Variants in ATP8A1 observed in about 807,000 individuals in gnomAD.
ATP8A1 encodes the protein ATPase phospholipid transporting 8A1.
ATP8A1 carries 90 observed loss-of-function variants against 177.7 expected under a neutral mutation model. The ratio of observed to expected loss-of-function variants is 0.51; its 90% confidence interval spans 0.43 to 0.60. ATP8A1 has a LOEUF of 0.60. Among genes scored for constraint, ATP8A1 ranks in the 20% least tolerant of loss-of-function variants. The probability of loss-of-function intolerance (pLI) is 0.00; values close to 1 mark genes in which losing one functional copy is unlikely to be tolerated. For missense variants in ATP8A1, 1,072 were observed against 1,392.8 expected, an observed-to-expected ratio of 0.77 and a Z score of 3.67; for synonymous variants, 493 against 485.9, an observed-to-expected ratio of 1.01 and a Z score of -0.19.
At chr4:42,615,847 C>G (rs957710179) in intron 5 of ATP8A1, among the ~76,000 whole-genome samples, 186 bp downstream of exon 5, 6 of 152,168 alleles carry the variant, frequency 3.9e-5, no homozygotes, top group African/African-American at 1.4e-4. Context: ...AGTATTATCA[C>G]TATAAATCAC....
chr4:42,524,982 A>G (rs995181656), intron 20 of ATP8A1, 135 bp from the exon 21 acceptor site: 15 of 518,862 alleles, frequency 2.9e-5, no homozygotes, highest in Non-Finnish European at 5.1e-5. Context: ...AAAGAACAAG[A>G]TATTTTTGTC....
At position 42,581,614 on chromosome 4, in the gene ATP8A1, A is replaced by G. The variant is rs1304491904; in HGVS notation, c.834+7T>C. ...GGTCCAAAAGGTTTCATAGAGAAAA[A>G]TTTCACCTGCATCAGCTTGGTGTCA... On this transcript the variant is annotated splice_region_variant and intron_variant, in intron 10 of 36. Coordinates refer to ENST00000381668, the MANE Select transcript of ATP8A1 (RefSeq NM_006095.2). 8 of 1,609,178 alleles carry G rather than the reference A, an allele frequency of 5.0e-6. No homozygotes were observed. Among genetic ancestry groups the G allele is most frequent in the African/African-American group, 2.7e-5 (2 of 74,768 alleles).
At chr4:42,481,974 A>G (rs1200450676) in intron 25 of ATP8A1, among the ~76,000 whole-genome samples, 1 of 152,170 alleles carries the variant, frequency 6.6e-6, no homozygotes, top group African/African-American at 2.4e-5. Flanking sequence ...AAATACTCAC[A>G]ATGTTAAAAA....
rs560258482 is a variant in ATP8A1 at position 42,574,474 on chromosome 4, T to C, written c.1295+145A>G. 79 of 653,750 alleles carry C rather than the reference T, an allele frequency of 1.2e-4. No individual in the cohort carries two copies. The African/African-American group carries it at 1.3e-3, about 11-fold the overall frequency. 40.5% of individuals were successfully genotyped at this position (653,750 alleles called of 1,614,324 possible). On this transcript the variant is annotated intron_variant, in intron 14 of 36. Transcript: ENST00000381668. Reference sequence around the variant, plus strand: ...AAACTAGAAACGCGAAATATACATGTGTCCTAAAATTATAACAGCTGCTTT... The same window carrying C: ...AAACTAGAAACGCGAAATATACATGCGTCCTAAAATTATAACAGCTGCTTT...
intron 3 of ATP8A1, 74 bp downstream of exon 3, chr4:42,625,540 C>A (rs1422154217): frequency 4.0e-6 from 4 of 989,606 alleles, no homozygotes; most frequent in East Asian, 5.6e-5. Context: ...TTACATAAAC[C>A]TCAGGGGATT....
At chr4:42,604,683 C>A (rs1022598747) in intron 5 of ATP8A1, among the ~76,000 whole-genome samples, 2 of 152,060 alleles carry the variant, frequency 1.3e-5, no homozygotes. Context: ...AGGTGTATAC[C>A]CAAGCAAACG....
rs954286402 is a variant in ATP8A1, at chr4:42,526,471, C to T, written c.1723-1624G>A. On this transcript the variant is annotated intron_variant, in intron 20 of 36. Transcript: ENST00000381668. ...GTGGGCTGGGGAAGGCAGACCCACC[C>T]TTAATCTGGGTGGGCACAATCTAGT... 2.0e-5 allele frequency among the ~76,000 whole-genome samples: 3 copies of T among 152,210 alleles called. No homozygotes were observed. The East Asian group carries it at 5.8e-4, about 29-fold the overall frequency.
intron 27 of ATP8A1, among the ~76,000 whole-genome samples, chr4:42,457,275 CAA>C (rs1718589238): frequency 6.6e-6 from 1 of 152,146 alleles, no homozygotes; most frequent in African/African-American, 2.4e-5. Flanking sequence ...CACAAATTGA[CAA>C]AACAGACATT....
intron 25 of ATP8A1, among the ~76,000 whole-genome samples, chr4:42,484,022 G>A (rs1353245226): frequency 6.6e-6 from 1 of 152,158 alleles, no homozygotes; most frequent in Non-Finnish European, 1.5e-5. Flanking sequence ...CATAACACTT[G>A]TGCTTTTGAG....
chr4:42,548,023 G>C (rs562714546), intron 19 of ATP8A1, among the ~76,000 whole-genome samples: 1 of 152,182 alleles, frequency 6.6e-6, no homozygotes, highest in Non-Finnish European at 1.5e-5. Flanking sequence ...AAGAATGCAG[G>C]TAAGCAGGTT....
At chr4:42,511,821 A>AT (rs10658644) in intron 22 of ATP8A1, among the ~76,000 whole-genome samples, 40 of 151,556 alleles carry the variant, frequency 2.6e-4, no homozygotes, top group Admixed American at 5.3e-4. Flanking sequence ...AGATGATGTC[A>AT]TTTTTTTTTA....
chr4:42,462,608 G>A lies in ATP8A1; in HGVS notation c.2619+2082C>T, dbSNP rs761296228. ...GCTGCAGGGGCAGGGCTCTCATGGC[G>A]AACCACTGTTAGGGCAGTGGAGAAG... is the stretch of plus-strand genomic sequence containing the variant. On this transcript the variant is annotated intron_variant, in intron 27 of 36. Transcript: ENST00000381668. 1.3e-4 allele frequency among the ~76,000 whole-genome samples: 20 copies of A among 152,240 alleles called. 1 individual carries two copies. The highest frequency in any genetic ancestry group is 2.6e-4 in the Non-Finnish European group (18 of 68,050).
intron 14 of ATP8A1, among the ~76,000 whole-genome samples, chr4:42,572,980 C>T (rs1732055322): frequency 6.6e-6 from 1 of 152,118 alleles, no homozygotes; most frequent in Non-Finnish European, 1.5e-5. Context: ...TGAGCTCAGA[C>T]CCACCCTATA....
At chr4:42,448,392 C>CTTACTTTACTTTTTTTTTTTTTTTTTTT (rs1560335169) in intron 30 of ATP8A1, among the ~76,000 whole-genome samples, 1 of 19,930 alleles carries the variant, frequency 5.0e-5, no homozygotes, top group African/African-American at 8.1e-5. Context: ...CCCTCCTTCT[C>CTTACTTTACTTTTTTTTTTTTTTTTTTT]TTTCTTTTCT....
intron 24 of ATP8A1, among the ~76,000 whole-genome samples, chr4:42,488,392 T>C (rs1394707523): frequency 6.7e-6 from 1 of 150,324 alleles, no homozygotes; most frequent in Non-Finnish European, 1.5e-5. Flanking sequence ...TTCTATGCAA[T>C]CCAGCAAAAA....
intron 3 of ATP8A1, 30 bp downstream of exon 3, chr4:42,625,584 A>T: frequency 1.4e-6 from 2 of 1,468,000 alleles, no homozygotes; most frequent in East Asian, 4.6e-5. Context: ...GTACCTGAAC[A>T]TTTGACAAGG....
intron 25 of ATP8A1, among the ~76,000 whole-genome samples, chr4:42,473,855 T>C (rs1410733672): frequency 6.7e-6 from 1 of 150,080 alleles, no homozygotes; most frequent in African/African-American, 2.5e-5. Flanking sequence ...AGTCTCACTA[T>C]GCTGCCCAGG....
intron 1 of ATP8A1, among the ~76,000 whole-genome samples, chr4:42,640,381 A>G (rs953646120): frequency 1.3e-5 from 2 of 152,246 alleles, no homozygotes; most frequent in African/African-American, 4.8e-5. Context: ...GGTCCTTTAC[A>G]TTAGATAAGT....
chr4:42,520,992 G>A (rs1396721588), intron 22 of ATP8A1, among the ~76,000 whole-genome samples: 2 of 152,130 alleles, frequency 1.3e-5, no homozygotes, highest in Admixed American at 6.5e-5. Context: ...ATTACATAAA[G>A]GGAGGGGACG....
Sources: allele counts gnomAD v4.1 joint callset (sites outside exome capture counted in the v4.1 genomes callset), GRCh38; gene constraint gnomAD v4.1.1; transcripts MANE v1.5; gene names NCBI Gene and HGNC (gene_info 2026-07-23, HGNC 2026-07-21).